The following KCTD20 variants were observed in gnomAD, a reference collection of about 807,000 sequenced individuals.
The protein encoded by KCTD20 is BTB/POZ domain-containing protein KCTD20.
A neutral mutation model predicts 39.6 loss-of-function variants in KCTD20; 30 were observed. That is an observed-to-expected ratio of 0.76 (90% CI 0.57 to 1.03). The LOEUF is 1.03. Among genes scored for constraint, KCTD20 ranks in the 50% least tolerant of loss-of-function variants. KCTD20 has a pLI of 0.00. For missense variants in KCTD20, 422 were observed against 522.0 expected (o/e 0.81, Z 1.87); for synonymous variants, 162 against 180.6 (o/e 0.90, Z 0.83).
rs868761165 is a variant in KCTD20 at position 36,488,403 on chromosome 6, C to G, written c.*1228C>G. ...CCCAGATCACCCTCCTCAGCCCACA[C>G]AGTGCTGAACCATCTTCCCTCCTGT... On this transcript the variant is annotated 3_prime_UTR_variant, in exon 8 of 8. Transcript: ENST00000373731. 6.6e-6 allele frequency: 1 copy of G among 152,224 alleles called. No individual in the cohort carries two copies. The highest frequency in any genetic ancestry group is 2.4e-5 in the African/African-American group (1 of 41,454). The allele number at this position is 152,224 out of a possible 1,614,324, so 9.4% of individuals were successfully genotyped here.
In KCTD20 at chr6:36,479,610, T is replaced by C; in HGVS notation, c.557T>C (p.Ile186Thr). Residue 186 changes from isoleucine to threonine, a missense_variant, in exon 5 of 8, where the codon ATC (isoleucine) becomes ACC (threonine). Coordinates refer to ENST00000373731, the MANE Select transcript of KCTD20 (RefSeq NM_173562.5). ...TTACAGGATTATTACAAAACCGGTA[T>C]CATCAATTGTCCTGATGGCATCTCT... ...RTVLDYYKTG[I>T]INCPDGISIP... The C allele has an allele frequency of 6.2e-7, 1 of 1,606,192 alleles. No individual in the cohort carries two copies. The highest frequency in any genetic ancestry group is 1.7e-5 in the Admixed American group (1 of 58,900).
chr6:36,448,015 G>GTGTATATATATATATATATATA (rs559687288), intron 1 of KCTD20, among the ~76,000 whole-genome samples: 35 of 128,934 alleles, frequency 2.7e-4, no homozygotes, highest in African/African-American at 1.2e-3. Flanking sequence ...ATGTGTGTGT[G>GTGTATATATATATATATATATA]TATATATATA....
Position 36,470,249 on chromosome 6 carries a change from G to C in KCTD20, c.152G>C (p.Arg51Thr). ...PHNLTYPLGP[R>T]NEDLSLDYAS... ...AATCTTACTTATCCTCTAGGTCCCA[G>C]GAATGAAGGTACAGTGATTAACTCT... The change falls in exon 2 of 8, where the codon AGG (arginine) becomes ACG (threonine). Residue 51 changes from arginine (R) to threonine (T), a missense_variant. Physicochemically the swap from Arg to Thr is moderately conservative, Grantham distance 71. Coordinates refer to ENST00000373731, the MANE Select transcript of KCTD20 (RefSeq NM_173562.5). 2 of 1,610,604 alleles carry C rather than the reference G, an allele frequency of 1.2e-6. No homozygotes were observed. Among genetic ancestry groups the C allele is most frequent in the Non-Finnish European group, 1.7e-6 (2 of 1,177,958 alleles).
chr6:36,462,584 C>G (rs1022483915), intron 1 of KCTD20, among the ~76,000 whole-genome samples: 29 of 152,194 alleles, frequency 1.9e-4, no homozygotes, highest in African/African-American at 6.8e-4. Flanking sequence ...ACAAGTTCCT[C>G]TAAGTGATTC....
At chr6:36,463,932 T>G (rs904916156) in intron 1 of KCTD20, among the ~76,000 whole-genome samples, 12 of 152,222 alleles carry the variant, frequency 7.9e-5, no homozygotes, top group African/African-American at 2.7e-4. Flanking sequence ...ATTCCTTTTT[T>G]ATGAGTCTTC....
At chr6:36,459,194 C>T (rs557401623) in intron 1 of KCTD20, among the ~76,000 whole-genome samples, 1 of 152,014 alleles carries the variant, frequency 6.6e-6, no homozygotes, top group African/African-American at 2.4e-5. Context: ...TGCCCATAAT[C>T]CCAGCTACTC....
chr6:36,465,850 G>T (rs1393647333), intron 1 of KCTD20, among the ~76,000 whole-genome samples: 1 of 152,104 alleles, frequency 6.6e-6, no homozygotes, highest in African/African-American at 2.4e-5. Context: ...CTGGCTTGCT[G>T]GATGTTTTCT....
chr6:36,450,983 A>G (rs1372459444), intron 1 of KCTD20: 2 of 150,290 alleles, frequency 1.3e-5, no homozygotes, highest in Non-Finnish European at 1.5e-5. Flanking sequence ...CCCACTACTG[A>G]TCAGCACAGG....
chr6:36,480,671 C>A (rs1177577839), intron 5 of KCTD20, among the ~76,000 whole-genome samples: 3 of 152,024 alleles, frequency 2.0e-5, no homozygotes, highest in African/African-American at 7.2e-5. Context: ...AAGCAATTCT[C>A]CTGCCAGAGC....
In KCTD20 at chr6:36,490,845, G is replaced by A. The variant is rs1776566120; in HGVS notation, c.*3670G>A. The A allele has an allele frequency of 6.6e-6, 1 of 152,114 alleles. No individual in the cohort carries two copies. The highest frequency in any genetic ancestry group is 1.5e-5 in the Non-Finnish European group (1 of 68,026). 9.4% of individuals were successfully genotyped at this position (152,114 alleles called of 1,614,324 possible). A position where few individuals can be genotyped will look rare whatever the true frequency, so the allele number is the denominator to read the frequency against. On this transcript the variant is annotated 3_prime_UTR_variant, in exon 8 of 8. Transcript: ENST00000373731. ...GCAAGACCCTGTCTCAATATTTTAA[G>A]TCAAGGGTTTGTAGTAATGTATTCA...
chr6:36,470,987 C>A (rs2127445209), intron 2 of KCTD20, among the ~76,000 whole-genome samples: 1 of 152,206 alleles, frequency 6.6e-6, no homozygotes, highest in Non-Finnish European at 1.5e-5. Flanking sequence ...CCCATCTCTA[C>A]TAAAAATACA....
chr6:36,473,937 T>C (rs1438748090), intron 2 of KCTD20, among the ~76,000 whole-genome samples: 1 of 152,056 alleles, frequency 6.6e-6, no homozygotes, highest in East Asian at 1.9e-4. Flanking sequence ...TTTGAAAAAA[T>C]AGTGTAGGTG....
intron 1 of KCTD20, among the ~76,000 whole-genome samples, chr6:36,456,155 T>C (rs1315784155): frequency 1.3e-5 from 2 of 152,128 alleles, no homozygotes; most frequent in Non-Finnish European, 2.9e-5. Context: ...GAAATCCCAG[T>C]GTTCTAGAAA....
chr6:36,479,187 T>C lies in KCTD20; in HGVS notation c.501T>C (p.Ala167=). 1 of 1,614,094 alleles carries C rather than the reference T, an allele frequency of 6.2e-7. No individual in the cohort carries two copies. Among genetic ancestry groups the C allele is most frequent in the Non-Finnish European group, 8.5e-7 (1 of 1,179,940 alleles). The stretch of plus-strand genomic sequence containing the variant: ...ATGAGAAGGGAGAGTATGAGATTGC[T>C]GAAGGCATCAGTGCAACTGTATTTC... ...RPNEKGEYEI[A]EGISATVFRT... Residue 167 remains alanine (A), a synonymous_variant, in exon 4 of 8, where the codon GCT becomes GCC. Transcript: ENST00000373731.
intron 3 of KCTD20, among the ~76,000 whole-genome samples, chr6:36,476,263 TTAGAAG>T (rs2127449460): frequency 6.6e-6 from 1 of 152,234 alleles, no homozygotes; most frequent in East Asian, 1.9e-4. Flanking sequence ...TTTCATCTAC[TTAGAAG>T]TAGATTTTAT....
intron 3 of KCTD20, 55 bp downstream of exon 3, chr6:36,475,117 C>G: frequency 6.5e-7 from 1 of 1,535,812 alleles, no homozygotes; most frequent in Non-Finnish European, 8.9e-7. Context: ...AATAAAAATA[C>G]CTGCTGTTTA....
intron 1 of KCTD20, among the ~76,000 whole-genome samples, chr6:36,466,143 A>G (rs1337234871): frequency 6.6e-6 from 1 of 151,166 alleles, no homozygotes; most frequent in African/African-American, 2.4e-5. Context: ...GCTCACTGCA[A>G]TCTCCGCCTC....
At chr6:36,478,288 C>T (rs893366858) in intron 3 of KCTD20, among the ~76,000 whole-genome samples, 1 of 152,132 alleles carries the variant, frequency 6.6e-6, no homozygotes, top group Non-Finnish European at 1.5e-5. Context: ...AACCATTCCA[C>T]AGCTCATACA....
intron 1 of KCTD20, among the ~76,000 whole-genome samples, chr6:36,468,550 A>G (rs1448661194): frequency 6.6e-6 from 1 of 152,214 alleles, no homozygotes; most frequent in African/African-American, 2.4e-5. Context: ...GTCTTTGGTA[A>G]TGTTCTTTCC....
Sources: gnomAD v4.1 joint callset for allele counts (sites outside exome capture counted in the v4.1 genomes callset) on GRCh38, gnomAD v4.1.1 for gene constraint, MANE v1.5 for transcripts, NCBI Gene and HGNC (gene_info 2026-07-23, HGNC 2026-07-21) for gene names.